TMEM252: variants seen among roughly 807,000 people sequenced by gnomAD.
The protein encoded by TMEM252 is transmembrane protein C9orf71.
TMEM252 carries 4 observed loss-of-function variants against 6.4 expected under a neutral mutation model. That is an observed-to-expected ratio of 0.62 (90% CI 0.31 to 1.43). TMEM252 has a LOEUF of 1.43. Ranked by LOEUF, TMEM252 falls within the 40% of genes most tolerant of loss-of-function variation. The probability of loss-of-function intolerance (pLI) is 0.07; values close to 1 mark genes in which losing one functional copy is unlikely to be tolerated. For synonymous variants in TMEM252, 85 were observed against 82.5 expected, an observed-to-expected ratio of 1.03 and a Z score of -0.17; for missense variants, 207 against 209.4, an observed-to-expected ratio of 0.99 and a Z score of 0.07.
intron 1 of TMEM252, among the ~76,000 whole-genome samples, chr9:68,538,500 C>A (rs1159970704): frequency 3.3e-5 from 5 of 152,210 alleles, no homozygotes; most frequent in Non-Finnish European, 7.3e-5. Context: ...AGGCATTTTA[C>A]ACAGAAAGGT....
Position 68,537,438 on chromosome 9 carries a change from A to G in TMEM252, c.334T>C (p.Cys112Arg). Residue 112 changes from cysteine (C) to arginine (R), a missense_variant, in exon 2 of 2, where the codon TGT (cysteine) becomes CGT (arginine). By Grantham distance (180) the Cys-to-Arg change is radical (BLOSUM62 -3). Coordinates refer to ENST00000377311, the MANE Select transcript of TMEM252 (RefSeq NM_153237.2). ...CCAGAGGCCTCTCTCTCTGCAGGAC[A>G]GCTCTGCTTTTCCACCTCAAGGCTC... ...EESLEVEKQS[C>R]PAEREASGIP... 6.2e-7 allele frequency: 1 copy of G among 1,604,082 alleles called. No homozygotes were observed. The highest frequency in any genetic ancestry group is 2.2e-5 in the East Asian group (1 of 44,636).
intron 1 of TMEM252, among the ~76,000 whole-genome samples, chr9:68,539,837 G>T (rs1160636823): frequency 6.6e-6 from 1 of 152,190 alleles, no homozygotes; most frequent in Non-Finnish European, 1.5e-5. Context: ...TTAATGTATA[G>T]AGGAGTCTCC....
chr9:68,539,816 T>C (rs1407891062), intron 1 of TMEM252, among the ~76,000 whole-genome samples: 1 of 152,212 alleles, frequency 6.6e-6, no homozygotes, highest in Non-Finnish European at 1.5e-5. Context: ...GATCAAACAG[T>C]AATTCAATAT....
rs1391539436 is a variant in TMEM252 at position 68,536,591 on chromosome 9, A to G, written c.*668T>C. On this transcript the variant is annotated 3_prime_UTR_variant, in exon 2 of 2. Coordinates refer to ENST00000377311, the MANE Select transcript of TMEM252 (RefSeq NM_153237.2). ...TGTTTAAGGACCTCTTTTAAGAAACAGCTCATTTAATATTTTGTGTTTGAA... is the reference window on the plus strand; with the variant it reads ...TGTTTAAGGACCTCTTTTAAGAAACGGCTCATTTAATATTTTGTGTTTGAA... The G allele has an allele frequency of 2.0e-5, 3 of 152,250 alleles. No individual in the cohort carries two copies. Among genetic ancestry groups the G allele is most frequent in the African/African-American group, 7.2e-5 (3 of 41,466 alleles). The allele number at this position is 152,250 out of a possible 1,614,324, so 9.4% of individuals were successfully genotyped here. A position where few individuals can be genotyped will look rare whatever the true frequency, so the allele number is the denominator to read the frequency against.
chr9:68,537,346 C>A lies in TMEM252; in HGVS notation c.426G>T (p.Glu142Asp). ...EFQDGNDSHPEAPPSYRESIA... is the reference protein window; with the variant it reads ...EFQDGNDSHPDAPPSYRESIA... ...TGGACTCTCTATAAGATGGTGGGGC[C>A]TCTGGGTGGGAGTCATTTCCATCCT... Residue 142 changes from glutamate to aspartate, a missense_variant, in exon 2 of 2, where the codon GAG becomes GAT. By Grantham distance (45) the Glu-to-Asp change is conservative (BLOSUM62 2). Transcript: ENST00000377311. 2 of 1,605,210 alleles carry A rather than the reference C, an allele frequency of 1.2e-6. No individual in the cohort carries two copies. Among genetic ancestry groups the A allele is most frequent in the Non-Finnish European group, 1.7e-6 (2 of 1,177,524 alleles).
In TMEM252 at chr9:68,540,781, G is replaced by C; in HGVS notation, c.34C>G (p.Leu12Val). ...QNRTGLILCALALLMGFLMVC... is the reference protein window; with the variant it reads ...QNRTGLILCAVALLMGFLMVC... ...ATCAGGAAACCCATCAGGAGGGCAA[G>C]AGCACAGAGAATGAGGCCAGTTCTG... The change falls in exon 1 of 2, where the codon CTT becomes GTT. Residue 12 changes from leucine to valine, a missense_variant. By Grantham distance (32) the Leu-to-Val change is conservative. Transcript: ENST00000377311. 1 of 1,614,084 alleles carries C rather than the reference G, an allele frequency of 6.2e-7. No homozygotes were observed.
chr9:68,540,452 C>T (rs1017002295), intron 1 of TMEM252, 85 bp downstream of exon 1: 10 of 1,567,672 alleles, frequency 6.4e-6, no homozygotes, highest in South Asian at 3.5e-5. Context: ...GTAAGTCGCT[C>T]CATAGTAGGA....
In TMEM252 at chr9:68,540,748, G is replaced by A; in HGVS notation, c.67C>T (p.Leu23=). 6.2e-7 allele frequency: 1 copy of A among 1,614,106 alleles called. No homozygotes were observed. The highest frequency in any genetic ancestry group is 8.5e-7 in the Non-Finnish European group (1 of 1,180,014). ...ALLMGFLMVC[L]GAFFISWGSI... is the part of the protein sequence containing the mutation. ...CCCCAGGAAATGAAGAAGGCCCCCA[G>A]GCAGACCATCAGGAAACCCATCAGG... Residue 23 remains leucine, a synonymous_variant, in exon 1 of 2, where the codon CTG becomes TTG. Coordinates refer to ENST00000377311, the MANE Select transcript of TMEM252 (RefSeq NM_153237.2).
chr9:68,538,250 A>T, intron 1 of TMEM252, among the ~76,000 whole-genome samples: 1 of 152,094 alleles, frequency 6.6e-6, no homozygotes. Context: ...GGGAGAGGGG[A>T]GGAAGAGAGA....
At position 68,540,587 on chromosome 9, in the gene TMEM252, C is replaced by G. The variant is rs755093241; in HGVS notation, c.228G>C (p.Met76Ile). The stretch of plus-strand genomic sequence containing the variant: ...CCCCATGAGCAAGGTGTTGTCGGAG[C>G]ATGTGCCTCAACACTCCTTTGCTTT... ...VTESKGVLRH[M>I]LRQHLAHGAL... Residue 76 changes from methionine (M) to isoleucine (I), a missense_variant, in exon 1 of 2, where the codon ATG becomes ATC. By Grantham distance (10) the Met-to-Ile change is conservative. Transcript: ENST00000377311. The G allele has an allele frequency of 2.5e-6, 4 of 1,614,100 alleles. No homozygotes were observed. In the African/African-American group the frequency reaches 5.3e-5, roughly 22 times the overall value.
At position 68,537,402 on chromosome 9, in the gene TMEM252, G is replaced by A; in HGVS notation, c.370C>T (p.Pro124Ser). 1 of 1,608,014 alleles carries A rather than the reference G, an allele frequency of 6.2e-7. No individual in the cohort carries two copies. The highest frequency in any genetic ancestry group is 8.5e-7 in the Non-Finnish European group (1 of 1,178,314). Reference protein sequence around the residue: ...AEREASGIPPPLYTETGLEFQ... With the variant: ...AEREASGIPPSLYTETGLEFQ... ...TCCAGGCCCGTCTCTGTATATAGAG[G>A]TGGAGGAATGCCAGAGGCCTCTCTC... Residue 124 changes from proline to serine, a missense_variant, in exon 2 of 2, where the codon CCT (proline) becomes TCT (serine). Coordinates refer to ENST00000377311, the MANE Select transcript of TMEM252 (RefSeq NM_153237.2).
intron 1 of TMEM252, among the ~76,000 whole-genome samples, chr9:68,539,689 T>A (rs1022890129): frequency 1.3e-5 from 2 of 152,250 alleles, no homozygotes; most frequent in African/African-American, 4.8e-5. Flanking sequence ...TACTCACCTG[T>A]TGATGGACAT....
intron 1 of TMEM252, among the ~76,000 whole-genome samples, chr9:68,540,158 G>T (rs999719017): frequency 1.3e-5 from 2 of 152,178 alleles, no homozygotes; most frequent in East Asian, 1.9e-4. Flanking sequence ...GGCAGAATTT[G>T]GTCTGGGACT....
In TMEM252 at chr9:68,540,745, C is replaced by G; in HGVS notation, c.70G>C (p.Gly24Arg). ...GAGCCCCAGGAAATGAAGAAGGCCCCCAGGCAGACCATCAGGAAACCCATC... is the reference window on the plus strand; with the variant it reads ...GAGCCCCAGGAAATGAAGAAGGCCCGCAGGCAGACCATCAGGAAACCCATC... ...LLMGFLMVCL[G>R]AFFISWGSIF... The change falls in exon 1 of 2, where the codon GGG (glycine) becomes CGG (arginine). Residue 24 changes from glycine to arginine, a missense_variant. By Grantham distance (125) the Gly-to-Arg change is moderately radical. Transcript: ENST00000377311. 1 of 1,614,126 alleles carries G rather than the reference C, an allele frequency of 6.2e-7. No individual in the cohort carries two copies. The highest frequency in any genetic ancestry group is 8.5e-7 in the Non-Finnish European group (1 of 1,180,014).
intron 1 of TMEM252, 57 bp from the exon 2 acceptor site, chr9:68,537,550 G>A: frequency 7.2e-7 from 1 of 1,392,706 alleles, no homozygotes; most frequent in Non-Finnish European, 9.9e-7. Context: ...ATGCCAAAGA[G>A]GCAGACGGCT....
In TMEM252 at chr9:68,540,546, G is replaced by A. The variant is rs539823216; in HGVS notation, c.269C>T (p.Thr90Ile). ...GCCTGTCAGCACGTACCTGTCTACTGTGGCCACGGGCAGGGCCCCATGAGC... is the reference window on the plus strand; with the variant it reads ...GCCTGTCAGCACGTACCTGTCTACTATGGCCACGGGCAGGGCCCCATGAGC... ...HLAHGALPVA[T>I]VDRPDFYPPA... Residue 90 changes from threonine (T) to isoleucine (I), a missense_variant, in exon 1 of 2, where the codon ACA becomes ATA. Coordinates refer to ENST00000377311, the MANE Select transcript of TMEM252 (RefSeq NM_153237.2). The A allele has an allele frequency of 1.9e-6, 3 of 1,613,898 alleles. No homozygotes were observed. Among genetic ancestry groups the A allele is most frequent in the Non-Finnish European group, 2.5e-6 (3 of 1,179,952 alleles).
At chr9:68,540,357 G>A (rs1468245597) in intron 1 of TMEM252, among the ~76,000 whole-genome samples, 180 bp downstream of exon 1, 2 of 152,214 alleles carry the variant, frequency 1.3e-5, no homozygotes, top group African/African-American at 2.4e-5. Flanking sequence ...TTTCCCCAAA[G>A]ATGGCGCCAC....
rs1008124605 is a variant in TMEM252 at position 68,536,878 on chromosome 9, G to T, written c.*381C>A. The stretch of plus-strand genomic sequence containing the variant: ...GGTGATATAGAACAGGAAGGCATGT[G>T]GCTGTCCTGACAACCAGCATCTATT... On this transcript the variant is annotated 3_prime_UTR_variant, in exon 2 of 2. Transcript: ENST00000377311. 1.9e-5 allele frequency: 4 copies of T among 206,602 alleles called. No homozygotes were observed. Among genetic ancestry groups the T allele is most frequent in the Non-Finnish European group, 3.8e-5 (4 of 104,258 alleles). 12.8% of individuals were successfully genotyped at this position (206,602 alleles called of 1,614,324 possible). A position where few individuals can be genotyped will look rare whatever the true frequency, so the allele number is the denominator to read the frequency against.
At chr9:68,540,428 A>C in intron 1 of TMEM252, 109 bp downstream of exon 1, 1 of 1,452,820 alleles carries the variant, frequency 6.9e-7, no homozygotes, top group South Asian at 1.3e-5. Context: ...CTAGACAGAC[A>C]GCCCATGGGA....
Sources: allele counts gnomAD v4.1 joint callset (sites outside exome capture counted in the v4.1 genomes callset), GRCh38; gene constraint gnomAD v4.1.1; transcripts MANE v1.5; gene names NCBI Gene and HGNC (gene_info 2026-07-23, HGNC 2026-07-21).